Variants in EEIG2 observed in about 807,000 individuals in gnomAD.
EEIG2 encodes EEIG family member 2.
At chr1:108,619,676 C>T in the EEIG2 span, among the ~76,000 whole-genome samples, 1 of 152,144 alleles carries the variant, frequency 6.6e-6, no homozygotes, top group Non-Finnish European at 1.5e-5. Context: ...CACTTGAGTC[C>T]AGGAGTTCAC....
chr1:108,582,985 A>G, the EEIG2 span, among the ~76,000 whole-genome samples: 399 of 151,422 alleles, frequency 2.6e-3, 3 homozygotes, highest in African/African-American at 9.1e-3. Context: ...CCCCACACAC[A>G]CTTTCTCCTG....
chr1:108,604,170 G>A, the EEIG2 span, among the ~76,000 whole-genome samples: 11 of 152,204 alleles, frequency 7.2e-5, no homozygotes, highest in African/African-American at 2.4e-4. Flanking sequence ...CTGTGGCGTG[G>A]GAAACAGAGA....
chr1:108,616,414 C>G, the EEIG2 span: 1 of 1,597,454 alleles, frequency 6.3e-7, no homozygotes, highest in Non-Finnish European at 8.6e-7. Flanking sequence ...TGTCTGGTGA[C>G]CCATGTTTTA....
the EEIG2 span, among the ~76,000 whole-genome samples, chr1:108,598,334 CAA>C: frequency 0.73 from 65,974 of 90,462 alleles, 25,189 homozygotes; most frequent in Non-Finnish European, 0.86. Flanking sequence ...ACCCTGTATC[CAA>C]AAAAAAAAAA....
chr1:108,619,844 C>T, the EEIG2 span, among the ~76,000 whole-genome samples: 1 of 152,222 alleles, frequency 6.6e-6, no homozygotes, highest in African/African-American at 2.4e-5. Context: ...GAGCCAAGAT[C>T]ATGCCACTGC....
chr1:108,610,303 G>T, the EEIG2 span, among the ~76,000 whole-genome samples: 1 of 152,150 alleles, frequency 6.6e-6, no homozygotes. Flanking sequence ...AGAGGAGAGT[G>T]GTTGGCCTCA....
At chr1:108,621,598 G>A in the EEIG2 span, among the ~76,000 whole-genome samples, 1 of 152,118 alleles carries the variant, frequency 6.6e-6, no homozygotes, top group Non-Finnish European at 1.5e-5. Context: ...AATAGAGAGG[G>A]AAGGGGCCAA....
the EEIG2 span, among the ~76,000 whole-genome samples, chr1:108,580,981 C>T: frequency 6.6e-6 from 1 of 152,174 alleles, no homozygotes; most frequent in Non-Finnish European, 1.5e-5. Flanking sequence ...CAATGCCTGG[C>T]TTCAGAACTT....
At chr1:108,621,225 G>A in the EEIG2 span, among the ~76,000 whole-genome samples, 2 of 152,232 alleles carry the variant, frequency 1.3e-5, no homozygotes, top group South Asian at 4.2e-4. Context: ...GATTTCAGAT[G>A]AGATATAAAA....
the EEIG2 span, among the ~76,000 whole-genome samples, chr1:108,561,042 A>G: frequency 6.6e-6 from 1 of 152,190 alleles, no homozygotes; most frequent in Non-Finnish European, 1.5e-5. Context: ...GCTTGACTTG[A>G]GTCAAGTGCT....
At chr1:108,637,085 G>C in the EEIG2 span, 1 of 152,076 alleles carries the variant, frequency 6.6e-6, no homozygotes, top group Admixed American at 6.6e-5. Flanking sequence ...ATCCTTGGCT[G>C]CCCTTGGTCC....
chr1:108,623,888 T>G, the EEIG2 span, among the ~76,000 whole-genome samples: 1 of 151,952 alleles, frequency 6.6e-6, no homozygotes, highest in African/African-American at 2.4e-5. Context: ...GCCAGGCTGG[T>G]CTCGAACTCC....
chr1:108,628,647 A>G, the EEIG2 span: 1 of 1,588,484 alleles, frequency 6.3e-7, no homozygotes, highest in Middle Eastern at 1.7e-4. Context: ...ATAACATAAT[A>G]AAAAGGAAAA....
the EEIG2 span, among the ~76,000 whole-genome samples, chr1:108,623,833 G>A: frequency 4.6e-5 from 7 of 151,880 alleles, no homozygotes; most frequent in South Asian, 2.1e-4. Flanking sequence ...CACCACACCC[G>A]TCTAATTTTT....
At chr1:108,599,865 G>T in the EEIG2 span, among the ~76,000 whole-genome samples, 1 of 152,174 alleles carries the variant, frequency 6.6e-6, no homozygotes, top group Admixed American at 6.5e-5. Flanking sequence ...GGTGGCAGGT[G>T]CCTGTAATCC....
chr1:108,593,701 C>T, the EEIG2 span, among the ~76,000 whole-genome samples: 1 of 152,174 alleles, frequency 6.6e-6, no homozygotes, highest in African/African-American at 2.4e-5. Flanking sequence ...AGACCTAAAG[C>T]CTTATCTAGA....
chr1:108,621,335 A>C, the EEIG2 span, among the ~76,000 whole-genome samples: 1 of 152,192 alleles, frequency 6.6e-6, no homozygotes, highest in Non-Finnish European at 1.5e-5. Context: ...GGGAGGTAAG[A>C]GAGCTGCCAA....
chr1:108,632,022 G>A, the EEIG2 span, among the ~76,000 whole-genome samples: 2 of 149,484 alleles, frequency 1.3e-5, no homozygotes, highest in Non-Finnish European at 1.5e-5. Flanking sequence ...GCTGAGGCAG[G>A]AGAATCACTT....
At chr1:108,593,582 A>G in the EEIG2 span, among the ~76,000 whole-genome samples, 2 of 152,170 alleles carry the variant, frequency 1.3e-5, no homozygotes, top group African/African-American at 4.8e-5. Flanking sequence ...ATATTGGATA[A>G]GTAACTGACA....
Sources: gnomAD v4.1 joint callset for allele counts (sites outside exome capture counted in the v4.1 genomes callset) on GRCh38, gnomAD v4.1.1 for gene constraint, MANE v1.5 for transcripts, NCBI Gene and HGNC (gene_info 2026-07-23, HGNC 2026-07-21) for gene names.